Variants in DCHS1 observed in about 807,000 individuals in gnomAD.
DCHS1 encodes the protein protocadherin-16.
In DCHS1, 78 loss-of-function variants were observed where a neutral mutation model predicts 213.9. The observed-to-expected ratio is 0.36, with a 90% confidence interval of 0.30 to 0.44. The LOEUF (loss-of-function observed/expected upper bound fraction) is 0.44. Among genes scored for constraint, DCHS1 ranks in the 20% least tolerant of loss-of-function variants. DCHS1 has a pLI of 1.00. For synonymous variants in DCHS1, 1,828 were observed against 1,873.7 expected, an observed-to-expected ratio of 0.98 and a Z score of 0.63; for missense variants, 3,946 against 4,395.9, an observed-to-expected ratio of 0.90 and a Z score of 2.89.
intron 1 of DCHS1, among the ~76,000 whole-genome samples, chr11:6,650,409 A>AAGGAAGGGGGGTCAGC (rs1856226511): frequency 6.6e-6 from 1 of 152,124 alleles, no homozygotes. Flanking sequence ...ACAGGAGCTG[A>AAGGAAGGGGGGTCAGC]AGGAAGGGGG....
At position 6,633,481 on chromosome 11, in the gene DCHS1, C is replaced by T. The variant is rs1280897064; in HGVS notation, c.2386G>A (p.Val796Ile). ...GCCACATCCTCTGGCACAGAAAAAA[C>T]ATACTGTAGTTGCTCAAATATGGGT... Reference protein sequence around the residue: ...TPPIFEQLQYVFSVPEDVAPG... With the variant: ...TPPIFEQLQYIFSVPEDVAPG... Residue 796 changes from valine (V) to isoleucine (I), a missense_variant, in exon 5 of 21, where the codon GTT (valine) becomes ATT (isoleucine). Physicochemically the swap from Val to Ile is conservative, Grantham distance 29. Coordinates refer to ENST00000299441, the MANE Select transcript of DCHS1 (RefSeq NM_003737.4). 1.9e-6 allele frequency: 3 copies of T among 1,578,200 alleles called. No individual in the cohort carries two copies. The East Asian group carries it at 6.9e-5, about 37-fold the overall frequency.
At chr11:6,645,805 G>A (rs958431151) in intron 1 of DCHS1, among the ~76,000 whole-genome samples, 3 of 152,108 alleles carry the variant, frequency 2.0e-5, no homozygotes, top group Admixed American at 1.3e-4. Flanking sequence ...GCACTGCCTG[G>A]CACTCTCTCT....
At position 6,626,070 on chromosome 11, in the gene DCHS1, T is replaced by C. The variant is rs753389131; in HGVS notation, c.6581A>G (p.Glu2194Gly). 5.6e-6 allele frequency: 9 copies of C among 1,609,816 alleles called. No homozygotes were observed. In the South Asian group the frequency reaches 1.0e-4, roughly 18 times the overall value. The change falls in exon 17 of 21, where the codon GAG (glutamate) becomes GGG (glycine). Residue 2194 changes from glutamate to glycine, a missense_variant. Glu to Gly is a moderately conservative substitution (Grantham distance 98). Coordinates refer to ENST00000299441, the MANE Select transcript of DCHS1 (RefSeq NM_003737.4). The surrounding 1 kb of genome is among the most constrained non-coding windows in gnomAD (Gnocchi z 5.2). ...AGAGCCTTGATCCAGGTCATCCGCC[T>C]CCACCTGGTGAGGGTAGGAGGCTGC... ...RPLEGPLLQV[E>G]ADDLDQGSGG...
In DCHS1 at chr11:6,655,620, C is replaced by T; in HGVS notation, c.-178G>A. 4 of 979,828 alleles carry T rather than the reference C, an allele frequency of 4.1e-6. No individual in the cohort carries two copies. Among genetic ancestry groups the T allele is most frequent in the Non-Finnish European group, 4.8e-6 (4 of 827,698 alleles). The allele number at this position is 979,828 out of a possible 1,614,324, so 60.7% of individuals were successfully genotyped here. ...TGGGGCGCCGTCCGGCCGCGGTCAG[C>T]CCCCCGGGCAGCGCCCGCTCGCGCG... is the stretch of plus-strand genomic sequence containing the variant. On this transcript the variant is annotated 5_prime_UTR_variant, in exon 1 of 21. Coordinates refer to ENST00000299441, the MANE Select transcript of DCHS1 (RefSeq NM_003737.4).
intron 1 of DCHS1, among the ~76,000 whole-genome samples, chr11:6,642,973 C>T (rs905091589): frequency 6.6e-6 from 1 of 151,994 alleles, no homozygotes; most frequent in Non-Finnish European, 1.5e-5. Flanking sequence ...GTAGAGAGGC[C>T]GGGCTTGCTG....
rs190500158 is a variant in DCHS1 at position 6,631,907 on chromosome 11, A to G, written c.3482-98T>C. On this transcript the variant is annotated intron_variant, in intron 6 of 20. Coordinates refer to ENST00000299441, the MANE Select transcript of DCHS1 (RefSeq NM_003737.4). ...TGGTGTTTGGGGAGTGGGGGAGGGAATGCCAGGGCTAAATCCTCATTCTCA... is the reference window on the plus strand; with the variant it reads ...TGGTGTTTGGGGAGTGGGGGAGGGAGTGCCAGGGCTAAATCCTCATTCTCA... 5.0e-4 allele frequency: 723 copies of G among 1,443,542 alleles called. 4 individuals carry two copies. The African/African-American group carries it at 9.3e-3, about 19-fold the overall frequency. The allele number at this position is 1,443,542 out of a possible 1,614,324, so 89.4% of individuals were successfully genotyped here.
intron 1 of DCHS1, among the ~76,000 whole-genome samples, chr11:6,655,034 G>C (rs1318503855): frequency 6.6e-6 from 1 of 152,036 alleles, no homozygotes; most frequent in Non-Finnish European, 1.5e-5. Flanking sequence ...CCTCTCCTCT[G>C]CTTCTCTGTA....
chr11:6,641,490 C>T lies in DCHS1; in HGVS notation c.124G>A (p.Gly42Ser). 6.4e-7 allele frequency: 1 copy of T among 1,568,978 alleles called. No homozygotes were observed. Among genetic ancestry groups the T allele is most frequent in the Non-Finnish European group, 8.6e-7 (1 of 1,157,956 alleles). ...LLGAGVPGAW[G>S]QAGSLDLQID... ...TGCAAGTCCAGGCTCCCAGCCTGAC[C>T]CCAGGCACCTGGCACCCCAGCCCCC... is the stretch of plus-strand genomic sequence containing the variant. Residue 42 changes from glycine to serine, a missense_variant, in exon 2 of 21, where the codon GGT (glycine) becomes AGT (serine). Gly to Ser is a moderately conservative substitution (Grantham distance 56, BLOSUM62 0). Coordinates refer to ENST00000299441, the MANE Select transcript of DCHS1 (RefSeq NM_003737.4). This position sits in a 1 kb window ranked among gnomAD's most constrained non-coding sequence, Gnocchi z 7.1.
chr11:6,633,673 A>G (rs796955099), intron 4 of DCHS1, 25 bp from the exon 5 acceptor site: 1 of 1,609,310 alleles, frequency 6.2e-7, no homozygotes, highest in African/African-American at 1.3e-5. Flanking sequence ...AGAAGCAGAG[A>G]TATATAAGGA....
At chr11:6,638,396 A>G (rs1055093388) in intron 2 of DCHS1, among the ~76,000 whole-genome samples, 4 of 152,174 alleles carry the variant, frequency 2.6e-5, no homozygotes. Context: ...TTTTCAAGAT[A>G]AAGTTGAATT....
Position 6,652,170 on chromosome 11 carries a change from T to A in DCHS1, c.-121+3393A>T, listed in dbSNP as rs1003126907. 2.0e-5 allele frequency among the ~76,000 whole-genome samples: 3 copies of A among 152,146 alleles called. No homozygotes were observed. The East Asian group carries it at 5.8e-4, about 29-fold the overall frequency. ...TACCATAATGTAACTTTCCACTTAT[T>A]TGCCTGTTAAATGTTGATAGAATAA... On this transcript the variant is annotated intron_variant, in intron 1 of 20. Transcript: ENST00000299441.
rs146159630 is a variant in DCHS1, at chr11:6,632,991, C to T, written c.2521G>A (p.Ala841Thr). Residue 841 changes from alanine (A) to threonine (T), a missense_variant, in exon 6 of 21, where the codon GCG becomes ACG. Around this residue, in one of 3 missense-constraint regions of DCHS1, gnomAD observed 3,384 missense variants for 3,780.1 expected, o/e 0.90. Transcript: ENST00000299441. This position sits in a 1 kb window ranked among gnomAD's most constrained non-coding sequence, Gnocchi z 5.9. ...AGTGTTTGCAACAGTCCTGATACCG[C>T]ATCTAGGGAGAAGAGTCCTCGGGGA... The part of the protein sequence containing the change: ...GDPRGLFSLD[A>T]VSGLLQTLRP... 1.9e-6 allele frequency: 3 copies of T among 1,613,538 alleles called. No homozygotes were observed. In the African/African-American group the frequency reaches 4.0e-5, roughly 22 times the overall value.
Position 6,626,161 on chromosome 11 carries a change from C to T in DCHS1, c.6576+8G>A, listed in dbSNP as rs763220760. On this transcript the variant is annotated splice_region_variant and intron_variant, in intron 16 of 20. Transcript: ENST00000299441. This position sits in a 1 kb window ranked among gnomAD's most constrained non-coding sequence, Gnocchi z 5.2. Reference sequence around the variant, plus strand: ...TCCCCCGCCCAATCTTTCCATCACACCCCGCACCTGCAGCAGGGGCCCCTC... The same window carrying T: ...TCCCCCGCCCAATCTTTCCATCACATCCCGCACCTGCAGCAGGGGCCCCTC... 6.2e-7 allele frequency: 1 copy of T among 1,601,732 alleles called. No individual in the cohort carries two copies.
chr11:6,626,840 G>A lies in DCHS1; in HGVS notation c.6199C>T (p.Arg2067Cys), dbSNP rs368032944. The A allele has an allele frequency of 2.1e-5, 34 of 1,613,074 alleles. No individual in the cohort carries two copies. The highest frequency in any genetic ancestry group is 2.7e-5 in the African/African-American group (2 of 74,900). The change falls in exon 14 of 21, where the codon CGC (arginine) becomes TGC (cysteine). Residue 2067 changes from arginine (R) to cysteine (C), a missense_variant. This residue lies in a region of DCHS1 where 3,384 missense variants were observed against 3,780.1 expected (regional missense o/e 0.90). Coordinates refer to ENST00000299441, the MANE Select transcript of DCHS1 (RefSeq NM_003737.4). The surrounding 1 kb of genome is among the most constrained non-coding windows in gnomAD (Gnocchi z 5.2). Reference sequence around the variant, plus strand: ...GCCTCACTGCTAGCCCGGGGAAAGCGGGGTCCACGCTCAGCTTCCCCCTGC... The same window carrying A: ...GCCTCACTGCTAGCCCGGGGAAAGCAGGGTCCACGCTCAGCTTCCCCCTGC... ...GLQGEAERGP[R>C]FPRASSEATI...
intron 6 of DCHS1, 98 bp downstream of exon 6, chr11:6,631,933 G>A: frequency 6.9e-7 from 1 of 1,448,154 alleles, no homozygotes; most frequent in African/African-American, 1.4e-5. Flanking sequence ...CTCATTCTCA[G>A]GGGCGAGATG....
intron 2 of DCHS1, chr11:6,635,026 G>A (rs752197606): frequency 3.3e-5 from 5 of 152,172 alleles, no homozygotes; most frequent in Non-Finnish European, 7.4e-5. Context: ...AAGAAGAAAG[G>A]GCTGTGACCT....
In DCHS1 at chr11:6,629,891, G is replaced by A; in HGVS notation, c.4816C>T (p.Pro1606Ser). The change falls in exon 11 of 21, where the codon CCG becomes TCG. Residue 1606 changes from proline to serine, a missense_variant. Transcript: ENST00000299441. ...TCAGCTCGTTGTTCGCGGTCCAACG[G>A]CCGCACCACGGACAGCGCTCCTAGG... Reference protein sequence around the residue: ...SSTGALSVVRPLDREQRAEHV... With the variant: ...SSTGALSVVRSLDREQRAEHV... The A allele has an allele frequency of 1.6e-5, 26 of 1,612,594 alleles. No individual in the cohort carries two copies. Among genetic ancestry groups the A allele is most frequent in the Non-Finnish European group, 2.0e-5 (24 of 1,179,430 alleles).
chr11:6,630,588 C>T lies in DCHS1; in HGVS notation c.4206G>A (p.Trp1402Ter). 6.5e-7 allele frequency: 1 copy of T among 1,538,740 alleles called. No individual in the cohort carries two copies. Among genetic ancestry groups the T allele is most frequent in the Non-Finnish European group, 8.7e-7 (1 of 1,149,628 alleles). Residue 1402 changes from tryptophan (W) to a stop codon, truncating the protein, a stop_gained, in exon 10 of 21, where the codon TGG becomes TGA. Coordinates refer to ENST00000299441, the MANE Select transcript of DCHS1 (RefSeq NM_003737.4). LOFTEE classifies it high-confidence loss of function. The part of the protein sequence containing the change: ...RPLDFEAGPP[W>*]RALTVRAEGP... ...CCTCAGCGCGTACCGTAAGCGCGCGCCACGGCGGGCCAGCTTCGAAGTCCA... is the reference window on the plus strand; with the variant it reads ...CCTCAGCGCGTACCGTAAGCGCGCGTCACGGCGGGCCAGCTTCGAAGTCCA...
chr11:6,641,161 C>G lies in DCHS1; in HGVS notation c.453G>C (p.Gln151His). Residue 151 changes from glutamine (Q) to histidine (H), a missense_variant, in exon 2 of 21, where the codon CAG becomes CAC. Gln to His is a conservative substitution (Grantham distance 24). Around this residue, in one of 3 missense-constraint regions of DCHS1, gnomAD observed 3,384 missense variants for 3,780.1 expected, o/e 0.90. Coordinates refer to ENST00000299441, the MANE Select transcript of DCHS1 (RefSeq NM_003737.4). This position sits in a 1 kb window ranked among gnomAD's most constrained non-coding sequence, Gnocchi z 7.1. ...TGCCAAAAGCTGTATGCTCAGGTAC[C>G]TGCAGGGCAGCCCGAGCCTGTGGGA... Reference protein sequence around the residue: ...PAFPQARAALQVPEHTAFGTR... With the variant: ...PAFPQARAALHVPEHTAFGTR... 3 of 1,613,608 alleles carry G rather than the reference C, an allele frequency of 1.9e-6. No individual in the cohort carries two copies. Among genetic ancestry groups the G allele is most frequent in the East Asian group, 2.2e-5 (1 of 44,890 alleles).
Sources: gnomAD v4.1 joint callset for allele counts (sites outside exome capture counted in the v4.1 genomes callset) on GRCh38, gnomAD v4.1.1 for gene constraint, gnomAD v4.1.1 regional missense constraint, Gnocchi (gnomAD v3.1) non-coding constraint, MANE v1.5 for transcripts, NCBI Gene and HGNC (gene_info 2026-07-23, HGNC 2026-07-21) for gene names.